COG5: variants seen among roughly 807,000 people sequenced by gnomAD.
The protein encoded by COG5 is component of oligomeric golgi complex 5.
In COG5, 86 loss-of-function variants were observed where a neutral mutation model predicts 110.4. The ratio of observed to expected loss-of-function variants is 0.78; its 90% CI spans 0.65 to 0.93. The LOEUF (loss-of-function observed/expected upper bound fraction) is 0.93. Among genes scored for constraint, COG5 ranks in the 40% least tolerant of loss-of-function variants. COG5 has a pLI of 0.00. For synonymous variants in COG5, 360 were observed against 334.6 expected (o/e 1.08, Z -0.83); for missense variants, 1,077 against 987.0 (o/e 1.09, Z -1.22).
chr7:107,533,150 C>T (rs1161512009), intron 5 of COG5, among the ~76,000 whole-genome samples: 2 of 151,512 alleles, frequency 1.3e-5, no homozygotes, highest in Non-Finnish European at 2.9e-5. Context: ...CATGCAAAAA[C>T]TCCATCCAAA....
chr7:107,319,665 A>C (rs1377515805), intron 11 of COG5, among the ~76,000 whole-genome samples: 1 of 152,196 alleles, frequency 6.6e-6, no homozygotes, highest in Non-Finnish European at 1.5e-5. Flanking sequence ...TTACCTTTCC[A>C]TGTAGGGAAG....
intron 6 of COG5, among the ~76,000 whole-genome samples, chr7:107,442,245 A>G (rs907091925): frequency 1.3e-5 from 2 of 152,186 alleles, no homozygotes; most frequent in African/African-American, 4.8e-5. Flanking sequence ...TTTGCCAGCC[A>G]TGTAAGACAT....
intron 5 of COG5, among the ~76,000 whole-genome samples, chr7:107,528,637 T>C (rs1272944209): frequency 6.6e-6 from 1 of 152,172 alleles, no homozygotes; most frequent in African/African-American, 2.4e-5. Flanking sequence ...TCAGCCTCAG[T>C]AGTGATTACA....
intron 6 of COG5, among the ~76,000 whole-genome samples, chr7:107,452,954 T>C (rs1795430874): frequency 6.6e-6 from 1 of 152,200 alleles, no homozygotes; most frequent in South Asian, 2.1e-4. Context: ...TGCAGACTAG[T>C]GTCTGTCTTA....
Position 107,562,218 on chromosome 7 carries a change from C to T in COG5, c.94+1585G>A, listed in dbSNP as rs1455426330. ...AAAGGGTAAAGAAGATTTAAACAAT[C>T]ACTGTGGAGAATGGCAGAGAACCAA... On this transcript the variant is annotated intron_variant, in intron 1 of 21. Transcript: ENST00000297135. Among the ~76,000 whole-genome samples the T allele has an allele frequency of 3.3e-5, 5 of 152,294 alleles. No homozygotes were observed. The South Asian group carries it at 1.0e-3, about 32-fold the overall frequency.
chr7:107,343,700 C>A (rs1350796585), intron 10 of COG5, among the ~76,000 whole-genome samples: 1 of 151,858 alleles, frequency 6.6e-6, no homozygotes, highest in East Asian at 1.9e-4. Context: ...AACAAAAAAA[C>A]CCAAAAACAC....
At chr7:107,486,609 A>G (rs1372245540) in intron 6 of COG5, among the ~76,000 whole-genome samples, 3 of 152,186 alleles carry the variant, frequency 2.0e-5, no homozygotes, top group Non-Finnish European at 2.9e-5. Flanking sequence ...CTAGCTGTAA[A>G]TAGTAATAAG....
At chr7:107,523,171 G>T (rs1287047747) in intron 6 of COG5, among the ~76,000 whole-genome samples, 2 of 152,032 alleles carry the variant, frequency 1.3e-5, no homozygotes, top group African/African-American at 4.8e-5. Context: ...GATTGATTTA[G>T]GTCTTCTTTG....
At chr7:107,527,461 C>G in intron 5 of COG5, 104 bp from the exon 6 acceptor site, 1 of 1,239,966 alleles carries the variant, frequency 8.1e-7, no homozygotes, top group Non-Finnish European at 1.2e-6. Context: ...AGCAAACCAC[C>G]ATGGCACATG....
rs1338197550 is a variant in COG5 at position 107,554,300 on chromosome 7, T to C, written c.277A>G (p.Ile93Val). 7 of 1,613,826 alleles carry C rather than the reference T, an allele frequency of 4.3e-6. No homozygotes were observed. The Admixed American group carries it at 6.7e-5, about 15-fold the overall frequency. ...AGAAATATACCTTCCAACGACTCAA[T>C]CCCAGTTGCTTGTGCCAGTAAATCT... ...HEDLLAQATG[I>V]ESLEGVLQMM... Residue 93 changes from isoleucine (I) to valine (V), a missense_variant, in exon 3 of 22, where the codon ATT (isoleucine) becomes GTT (valine). Transcript: ENST00000297135.
intron 11 of COG5, among the ~76,000 whole-genome samples, chr7:107,303,497 G>A (rs1317784713): frequency 2.0e-5 from 3 of 151,938 alleles, no homozygotes; most frequent in Non-Finnish European, 2.9e-5. Context: ...GCACAGTCAC[G>A]GCTCACTGTA....
At chr7:107,270,903 T>C (rs1220422365) in intron 14 of COG5, among the ~76,000 whole-genome samples, 1 of 140,846 alleles carries the variant, frequency 7.1e-6, no homozygotes, top group African/African-American at 2.6e-5. Flanking sequence ...TTTTTTTTTT[T>C]TTTTTTGTAG....
rs138139525 is a variant in COG5, at chr7:107,258,358, T to C, written c.1601A>G (p.Gln534Arg). ...TCCTTCAGTAAGAGGCCCAATCACCTGACTTGCATCTCCTTGTGTGGAGAG... is the reference window on the plus strand; with the variant it reads ...TCCTTCAGTAAGAGGCCCAATCACCCGACTTGCATCTCCTTGTGTGGAGAG... Reference protein sequence around the residue: ...QLLSTQGDASQVIGPLTEGQR... With the variant: ...QLLSTQGDASRVIGPLTEGQR... Residue 534 changes from glutamine (Q) to arginine (R), a missense_variant, in exon 15 of 22, where the codon CAG (glutamine) becomes CGG (arginine). Coordinates refer to ENST00000297135, the MANE Select transcript of COG5 (RefSeq NM_006348.5). 6.2e-7 allele frequency: 1 copy of C among 1,611,376 alleles called. No homozygotes were observed. Among genetic ancestry groups the C allele is most frequent in the Non-Finnish European group, 8.5e-7 (1 of 1,177,566 alleles).
In COG5 at chr7:107,310,564, C is replaced by T. The variant is rs184282034; in HGVS notation, c.1109-12218G>A. Among the ~76,000 whole-genome samples the T allele has an allele frequency of 1.6e-4, 24 of 152,094 alleles. No individual in the cohort carries two copies. In the East Asian group the frequency reaches 4.0e-3, roughly 26 times the overall value. On this transcript the variant is annotated intron_variant, in intron 11 of 21. Transcript: ENST00000297135. ...CGGACACCCTTGAAGGGAGAAGAAA[C>T]GATAAAGAACATGTGTGGAATACAA...
At chr7:107,478,637 T>C (rs1346469295) in intron 6 of COG5, among the ~76,000 whole-genome samples, 2 of 152,044 alleles carry the variant, frequency 1.3e-5, no homozygotes, top group African/African-American at 4.8e-5. Context: ...ATCATAGTTA[T>C]GTATGTATAG....
chr7:107,401,324 G>A (rs1584776193), intron 7 of COG5, among the ~76,000 whole-genome samples: 3 of 152,098 alleles, frequency 2.0e-5, no homozygotes, highest in Admixed American at 1.3e-4. Context: ...AATTATAAAA[G>A]CTATGACGGT....
intron 5 of COG5, among the ~76,000 whole-genome samples, chr7:107,538,473 A>C (rs564944798): frequency 3.3e-5 from 5 of 152,154 alleles, no homozygotes; most frequent in Non-Finnish European, 7.3e-5. Flanking sequence ...TCTTTCGCCT[A>C]TTAAACTTCC....
intron 7 of COG5, among the ~76,000 whole-genome samples, chr7:107,382,410 G>A (rs1485959361): frequency 6.6e-6 from 1 of 152,206 alleles, no homozygotes; most frequent in African/African-American, 2.4e-5. Flanking sequence ...ACCAGGCCAA[G>A]TATAAAACTG....
At chr7:107,510,912 T>TA (rs1209073663) in intron 6 of COG5, among the ~76,000 whole-genome samples, 2 of 152,166 alleles carry the variant, frequency 1.3e-5, no homozygotes, top group Admixed American at 1.3e-4. Flanking sequence ...GAGGGAAATT[T>TA]ATAGCACTAA....
Sources: gnomAD v4.1 joint callset for allele counts (sites outside exome capture counted in the v4.1 genomes callset) on GRCh38, gnomAD v4.1.1 for gene constraint, MANE v1.5 for transcripts, NCBI Gene and HGNC (gene_info 2026-07-23, HGNC 2026-07-21) for gene names.